The following ZMAT4 variants were observed in gnomAD, a reference collection of about 807,000 sequenced individuals.
ZMAT4 encodes zinc finger matrin-type 4.
Under a neutral mutation model 28.7 loss-of-function variants are expected in ZMAT4, and 17 were observed. The observed-to-expected ratio is 0.59, with a 90% CI of 0.41 to 0.89. ZMAT4 has a LOEUF of 0.89. Ranked by LOEUF, ZMAT4 falls within the 40% of genes least tolerant of loss-of-function variation. The pLI is 0.00. For synonymous variants in ZMAT4, 117 were observed against 109.2 expected (o/e 1.07, Z -0.44); for missense variants, 240 against 283.8 (o/e 0.85, Z 1.11).
rs902089301 is a variant in ZMAT4, at chr8:40,781,536, G to A, written c.103-13806C>T. 8.6e-5 allele frequency among the ~76,000 whole-genome samples: 13 copies of A among 151,740 alleles called. No homozygotes were observed. In the East Asian group the frequency reaches 2.3e-3, roughly 27 times the overall value. ...CCAGCACTTTGGGAGGCCGAGGCGG[G>A]CGGATCACGAGGTCAGGAGTTCGAG... On this transcript the variant is annotated intron_variant, in intron 2 of 6. Transcript: ENST00000297737.
chr8:40,605,066 C>A (rs555170469), intron 5 of ZMAT4, among the ~76,000 whole-genome samples: 2 of 152,214 alleles, frequency 1.3e-5, no homozygotes, highest in African/African-American at 4.8e-5. Context: ...TTTGGAACTT[C>A]TCTCTTATTT....
At chr8:40,774,151 G>A (rs1029280985) in intron 2 of ZMAT4, among the ~76,000 whole-genome samples, 2 of 152,098 alleles carry the variant, frequency 1.3e-5, no homozygotes, top group Non-Finnish European at 2.9e-5. Context: ...AAAGAAAATG[G>A]CTTTACTATC....
At chr8:40,568,606 CTTATTA>C (rs1305967680) in intron 6 of ZMAT4, among the ~76,000 whole-genome samples, 2 of 152,038 alleles carry the variant, frequency 1.3e-5, no homozygotes, top group Admixed American at 6.6e-5. Context: ...CCATTTAGTA[CTTATTA>C]TTATTATTGT....
intron 4 of ZMAT4, among the ~76,000 whole-genome samples, chr8:40,696,565 T>G (rs1405489227): frequency 6.6e-6 from 1 of 152,222 alleles, no homozygotes; most frequent in African/African-American, 2.4e-5. Context: ...TTTCATGATG[T>G]GATAGACCTC....
chr8:40,702,444 T>C (rs897415483), intron 3 of ZMAT4, among the ~76,000 whole-genome samples: 28 of 152,302 alleles, frequency 1.8e-4, no homozygotes, highest in African/African-American at 6.5e-4. Flanking sequence ...ACGTCCACAT[T>C]GCTGAAAGAA....
At chr8:40,601,468 G>GAAAGAAAAAAA in intron 5 of ZMAT4, among the ~76,000 whole-genome samples, 1 of 19,996 alleles carries the variant, frequency 5.0e-5, no homozygotes, top group East Asian at 1.2e-3. Flanking sequence ...GAGGAAGAAA[G>GAAAGAAAAAAA]GAAAGAAAGA....
chr8:40,551,233 T>C (rs1803360520), intron 6 of ZMAT4, among the ~76,000 whole-genome samples: 2 of 152,116 alleles, frequency 1.3e-5, no homozygotes, highest in Non-Finnish European at 2.9e-5. Context: ...GTTTACTGAA[T>C]ACATGGATGA....
intron 1 of ZMAT4, among the ~76,000 whole-genome samples, chr8:40,849,069 G>A (rs947171315): frequency 2.0e-5 from 3 of 152,212 alleles, no homozygotes; most frequent in African/African-American, 7.2e-5. Context: ...CCCATCCCAT[G>A]CCATCCCATC....
intron 2 of ZMAT4, among the ~76,000 whole-genome samples, chr8:40,820,259 T>A (rs1815706301): frequency 6.7e-6 from 1 of 149,522 alleles, no homozygotes; most frequent in African/African-American, 2.5e-5. Context: ...TATGTGAGTA[T>A]TGGTGTGTGT....
chr8:40,611,765 C>A (rs1170652280), intron 5 of ZMAT4, among the ~76,000 whole-genome samples: 1 of 152,188 alleles, frequency 6.6e-6, no homozygotes, highest in Non-Finnish European at 1.5e-5. Flanking sequence ...ATTCATTATT[C>A]TGAACACTAG....
At chr8:40,609,906 C>T (rs147667357) in intron 5 of ZMAT4, among the ~76,000 whole-genome samples, 1 of 152,324 alleles carries the variant, frequency 6.6e-6, no homozygotes, top group East Asian at 1.9e-4. Flanking sequence ...ACAGAATTTG[C>T]TGTCAGTGAA....
chr8:40,783,563 C>A (rs939771954), intron 2 of ZMAT4, among the ~76,000 whole-genome samples: 1 of 152,064 alleles, frequency 6.6e-6, no homozygotes, highest in African/African-American at 2.4e-5. Context: ...AAATGGTAAA[C>A]TTCATAGTAT....
At chr8:40,710,196 G>C (rs1053590691) in intron 3 of ZMAT4, among the ~76,000 whole-genome samples, 1 of 152,098 alleles carries the variant, frequency 6.6e-6, no homozygotes, top group Admixed American at 6.6e-5. Context: ...TTTAAAGATG[G>C]GGAGACACTG....
intron 3 of ZMAT4, among the ~76,000 whole-genome samples, chr8:40,727,552 T>A (rs1479690099): frequency 6.6e-6 from 1 of 152,088 alleles, no homozygotes; most frequent in African/African-American, 2.4e-5. Flanking sequence ...AAATTGGAGA[T>A]CTGCCAGAAG....
chr8:40,645,627 T>C (rs1807267147), intron 5 of ZMAT4, among the ~76,000 whole-genome samples: 1 of 152,154 alleles, frequency 6.6e-6, no homozygotes, highest in African/African-American at 2.4e-5. Context: ...GATGAAAGTA[T>C]TCAAGGAAAT....
chr8:40,674,688 G>A lies in ZMAT4; in HGVS notation c.577+16C>T. On this transcript the variant is annotated intron_variant, in intron 5 of 6. Transcript: ENST00000297737. ...AAGCCCAGTTTTGTGGCAGAAGTGA[G>A]AAGAGCTGCCCTTACCTCTCAGTTC... is the stretch of plus-strand genomic sequence containing the variant. 1 of 1,607,318 alleles carries A rather than the reference G, an allele frequency of 6.2e-7. No homozygotes were observed. The highest frequency in any genetic ancestry group is 1.1e-5 in the South Asian group (1 of 90,796).
chr8:40,843,409 T>C (rs943840254), intron 1 of ZMAT4, among the ~76,000 whole-genome samples: 3 of 152,082 alleles, frequency 2.0e-5, no homozygotes, highest in Admixed American at 6.6e-5. Context: ...AGCTCACTCC[T>C]AGGTGGCGTT....
chr8:40,654,318 C>G (rs552538507), intron 5 of ZMAT4, among the ~76,000 whole-genome samples: 160 of 152,180 alleles, frequency 1.1e-3, no homozygotes, highest in African/African-American at 3.7e-3. Flanking sequence ...GATAGTGGTC[C>G]TCACACTGTA....
intron 2 of ZMAT4, among the ~76,000 whole-genome samples, chr8:40,770,875 C>T (rs1229108780): frequency 6.6e-6 from 1 of 152,122 alleles, no homozygotes; most frequent in African/African-American, 2.4e-5. Context: ...CAGTGTCTTC[C>T]TCTAACTGGC....
Sources: allele counts gnomAD v4.1 joint callset (sites outside exome capture counted in the v4.1 genomes callset), GRCh38; gene constraint gnomAD v4.1.1; transcripts MANE v1.5; gene names NCBI Gene and HGNC (gene_info 2026-07-23, HGNC 2026-07-21).